MAST2: variants seen among roughly 807,000 people sequenced by gnomAD.
MAST2 encodes the protein microtubule-associated serine/threonine-protein kinase 2.
A neutral mutation model predicts 147.4 loss-of-function variants in MAST2; 70 were observed. That is an observed-to-expected ratio of 0.47 (90% CI 0.39 to 0.58). The LOEUF (loss-of-function observed/expected upper bound fraction) is 0.58, where lower values mean the gene tolerates loss of function less well. MAST2 is among the 20% of genes least tolerant of loss of function. The probability of loss-of-function intolerance (pLI) is 0.00; values close to 1 mark genes in which losing one functional copy is unlikely to be tolerated. For missense variants in MAST2, 2,080 were observed against 2,302.3 expected (o/e 0.90, Z 1.98); for synonymous variants, 869 against 896.8 (o/e 0.97, Z 0.55).
intron 3 of MAST2, among the ~76,000 whole-genome samples, chr1:45,879,838 A>G (rs1452587628): frequency 9.2e-5 from 14 of 152,216 alleles, no homozygotes; most frequent in East Asian, 1.9e-4. Flanking sequence ...TAAAGCCACA[A>G]TGAGATACCC....
intron 3 of MAST2, among the ~76,000 whole-genome samples, chr1:45,865,679 A>G (rs1204834453): frequency 1.3e-5 from 2 of 152,134 alleles, no homozygotes; most frequent in Non-Finnish European, 2.9e-5. Context: ...CTTAAATCAT[A>G]GGTAGTTTGT....
At chr1:45,860,125 A>G (rs1398539830) in intron 3 of MAST2, among the ~76,000 whole-genome samples, 2 of 152,010 alleles carry the variant, frequency 1.3e-5, no homozygotes, top group African/African-American at 4.8e-5. Context: ...CGGGATGCTG[A>G]GATGGGCAGA....
rs1660081488 is a variant in MAST2, at chr1:45,959,375, T to C, written c.501-11T>C. On this transcript the variant is annotated splice_polypyrimidine_tract_variant and intron_variant, in intron 4 of 28. Transcript: ENST00000361297. The stretch of plus-strand genomic sequence containing the variant: ...GGCCCTATTATAATTCATATTTTGT[T>C]TTCATTGCAGTTGTCGGACAAGTAA... 1 of 1,611,644 alleles carries C rather than the reference T, an allele frequency of 6.2e-7. No homozygotes were observed. Among genetic ancestry groups the C allele is most frequent in the Admixed American group, 1.7e-5 (1 of 59,936 alleles).
chr1:45,873,360 T>A (rs1646477351), intron 3 of MAST2, among the ~76,000 whole-genome samples: 1 of 151,582 alleles, frequency 6.6e-6, no homozygotes, highest in African/African-American at 2.4e-5. Flanking sequence ...TCCTGGCTAA[T>A]TTTTTTTGAG....
In MAST2 at chr1:46,025,740, A is replaced by G. The variant is rs1018692222; in HGVS notation, c.1844A>G (p.Tyr615Cys). 6.2e-7 allele frequency: 1 copy of G among 1,614,050 alleles called. No individual in the cohort carries two copies. Among genetic ancestry groups the G allele is most frequent in the African/African-American group, 1.3e-5 (1 of 74,904 alleles). The change falls in exon 16 of 29, where the codon TAC becomes TGC. Residue 615 changes from tyrosine (Y) to cysteine (C), a missense_variant. Around this residue, in one of 4 missense-constraint regions of MAST2, gnomAD observed 209 missense variants for 309.5 expected, o/e 0.68. Transcript: ENST00000361297. ...CTGCCTGTGGACATGGTGCGTCTAT[A>G]CTTTGCGGAAACTGTGCTGGCCCTG... ...GALPVDMVRL[Y>C]FAETVLALEY...
At chr1:46,002,110 TG>T (rs968416909) in intron 6 of MAST2, among the ~76,000 whole-genome samples, 25 of 150,954 alleles carry the variant, frequency 1.7e-4, no homozygotes, top group Admixed American at 9.3e-4. Context: ...TGTGGCGGGG[TG>T]GGGGGGCATG....
rs1271749494 is a variant in MAST2, at chr1:45,915,533, ACT to A, written c.500+33141_500+33142del. On this transcript the variant is annotated intron_variant, in intron 4 of 28. Transcript: ENST00000361297. ...AGACCATCCTGGCTAACACGGTGAA[ACT>A]CTGTCTCTACTGAAAATACAAAAAA... Among the ~76,000 whole-genome samples the A allele has an allele frequency of 7.9e-5, 12 of 152,124 alleles. No individual in the cohort carries two copies. The East Asian group carries it at 1.9e-3, about 25-fold the overall frequency.
chr1:45,829,385 ATT>A, intron 2 of MAST2, 52 bp from the exon 3 acceptor site: 1 of 1,503,248 alleles, frequency 6.7e-7, no homozygotes, highest in Admixed American at 1.9e-5. Flanking sequence ...GTATTTTTTC[ATT>A]TGTTTATCAA....
intron 4 of MAST2, among the ~76,000 whole-genome samples, chr1:45,937,827 T>TA (rs1307789368): frequency 6.6e-6 from 1 of 151,754 alleles, no homozygotes; most frequent in Non-Finnish European, 1.5e-5. Context: ...AATGGTTTTT[T>TA]ACTAAATTTA....
chr1:45,921,714 C>T (rs1653523610), intron 4 of MAST2, among the ~76,000 whole-genome samples: 1 of 152,172 alleles, frequency 6.6e-6, no homozygotes, highest in Non-Finnish European at 1.5e-5. Context: ...CCACCAGGCC[C>T]CAAAGCAGGA....
chr1:46,036,122 ATCTTTATG>A, downstream of MAST2: 1 of 1,489,072 alleles, frequency 6.7e-7, no homozygotes, highest in Non-Finnish European at 9.1e-7. Context: ...CCTGGAAACC[ATCTTTATG>A]TCTTTTGCTT....
intron 5 of MAST2, among the ~76,000 whole-genome samples, chr1:45,972,310 T>TA (rs2148996815): frequency 6.6e-6 from 1 of 152,336 alleles, no homozygotes; most frequent in South Asian, 2.1e-4. Flanking sequence ...GGTGGGCAGA[T>TA]ACACTGGTGG....
At chr1:45,827,753 A>C (rs775184113) in intron 2 of MAST2, among the ~76,000 whole-genome samples, 1 of 152,140 alleles carries the variant, frequency 6.6e-6, no homozygotes, top group Non-Finnish European at 1.5e-5. Context: ...GTATATTGTA[A>C]TTTTCTAGTA....
chr1:45,855,444 G>A (rs557979176), intron 3 of MAST2, among the ~76,000 whole-genome samples: 22 of 151,364 alleles, frequency 1.5e-4, no homozygotes, highest in African/African-American at 5.1e-4. Flanking sequence ...TACATATCTT[G>A]TATGTGTTTT....
In MAST2 at chr1:46,014,749, A is replaced by G. The variant is rs181060151; in HGVS notation, c.1188+3810A>G. Among the ~76,000 whole-genome samples the G allele has an allele frequency of 6.6e-3, 1,010 of 152,226 alleles. 11 individuals are homozygous for G. The highest frequency in any genetic ancestry group is 0.023 in the African/African-American group (964 of 41,518). On this transcript the variant is annotated intron_variant, in intron 10 of 28. Transcript: ENST00000361297. ...TGGGAGACTTTAACACCCCACTGTC[A>G]ACATTAGACAGATCAGCGTGACAGA...
intron 4 of MAST2, chr1:45,914,000 C>A: frequency 3.5e-6 from 2 of 574,608 alleles, no homozygotes; most frequent in Non-Finnish European, 4.6e-6. Context: ...AGGAAGAGGG[C>A]TGAGCTGGCT....
chr1:45,947,125 A>G (rs1658155835), intron 4 of MAST2, among the ~76,000 whole-genome samples: 1 of 152,148 alleles, frequency 6.6e-6, no homozygotes, highest in South Asian at 2.1e-4. Flanking sequence ...CTTAGCCTTC[A>G]GTTCCTTGTC....
At chr1:46,034,326 C>T (rs1486522938) in intron 28 of MAST2, 60 bp downstream of exon 28, 2 of 1,523,224 alleles carry the variant, frequency 1.3e-6, no homozygotes, top group Non-Finnish European at 1.8e-6. Context: ...GTTCCTAGGC[C>T]CTGTGTGCTT....
intron 10 of MAST2, among the ~76,000 whole-genome samples, chr1:46,011,800 TA>T (rs990204402): frequency 3.9e-5 from 6 of 152,116 alleles, no homozygotes; most frequent in Non-Finnish European, 5.9e-5. Context: ...CGTCTAGAAA[TA>T]AGAAGGAGCA....
Sources: gnomAD v4.1 joint callset for allele counts (sites outside exome capture counted in the v4.1 genomes callset) on GRCh38, gnomAD v4.1.1 for gene constraint, gnomAD v4.1.1 regional missense constraint, MANE v1.5 for transcripts, NCBI Gene and HGNC (gene_info 2026-07-23, HGNC 2026-07-21) for gene names.